The following ELAPOR2 variants were observed in gnomAD, a reference collection of about 807,000 sequenced individuals.
ELAPOR2 encodes the protein endosome/lysosome-associated apoptosis and autophagy regulator family member 2.
In ELAPOR2, 89 loss-of-function variants were observed where a neutral mutation model predicts 120.7. The observed-to-expected ratio is 0.74, with a 90% CI of 0.62 to 0.88. The LOEUF is 0.88. ELAPOR2 is among the 40% of genes least tolerant of loss of function. The pLI, the probability that ELAPOR2 is intolerant of heterozygous loss-of-function variation, is 0.00. For synonymous variants in ELAPOR2, 444 were observed against 444.9 expected (o/e 1.00, Z 0.03); for missense variants, 1,134 against 1,251.6 (o/e 0.91, Z 1.42).
At chr7:86,954,463 CAA>C (rs1486078250) in intron 2 of ELAPOR2, among the ~76,000 whole-genome samples, 1 of 151,988 alleles carries the variant, frequency 6.6e-6, no homozygotes, top group Admixed American at 6.6e-5. Context: ...TCTTTTTAAT[CAA>C]AGTTTTTATT....
At chr7:86,905,174 AAG>A (rs1256772909) in intron 18 of ELAPOR2, among the ~76,000 whole-genome samples, 6 of 147,208 alleles carry the variant, frequency 4.1e-5, no homozygotes, top group East Asian at 2.0e-4. Flanking sequence ...GAAAGAAAGA[AAG>A]AGAGAAAGAG....
At chr7:86,927,008 G>T in intron 8 of ELAPOR2, 92 bp from the exon 9 acceptor site, 1 of 1,224,444 alleles carries the variant, frequency 8.2e-7, no homozygotes, top group East Asian at 2.7e-5. Flanking sequence ...AAGTACAAAT[G>T]GTGACAGAAT....
chr7:86,909,994 T>A lies in ELAPOR2; in HGVS notation c.2177A>T (p.Lys726Met). The change falls in exon 16 of 22, where the codon AAG becomes ATG. Residue 726 changes from lysine to methionine, a missense_variant. By Grantham distance (95) the Lys-to-Met change is moderately conservative. Coordinates refer to ENST00000450689, the MANE Select transcript of ELAPOR2 (RefSeq NM_001142749.3). ...TATATTGTTGGTACAGAGAGCCATC[T>A]TCTTCCCCTAGGAAAATAAAGTCAT... is the stretch of plus-strand genomic sequence containing the variant. ...NISLCGHEGK[K>M]MALCTNNITD... The A allele has an allele frequency of 6.2e-7, 1 of 1,603,490 alleles. No individual in the cohort carries two copies. Among genetic ancestry groups the A allele is most frequent in the Non-Finnish European group, 8.5e-7 (1 of 1,176,130 alleles).
intron 5 of ELAPOR2, 60 bp from the exon 6 acceptor site, chr7:86,940,175 C>T: frequency 1.0e-6 from 1 of 995,718 alleles, no homozygotes; most frequent in South Asian, 1.4e-5. Flanking sequence ...CCAAAAGCTA[C>T]TCCCTTACAT....
intron 8 of ELAPOR2, among the ~76,000 whole-genome samples, chr7:86,927,162 C>T (rs1790112279): frequency 6.6e-6 from 1 of 151,882 alleles, no homozygotes; most frequent in Non-Finnish European, 1.5e-5. Context: ...TGTTCCTCAT[C>T]ATGAAATAAC....
At chr7:87,014,304 C>G (rs1793794444) in intron 1 of ELAPOR2, among the ~76,000 whole-genome samples, 1 of 151,952 alleles carries the variant, frequency 6.6e-6, no homozygotes, top group Non-Finnish European at 1.5e-5. Context: ...GTATTTTTTT[C>G]TAGGACCAAT....
At chr7:86,880,790 G>A (rs1170473356) in intron 21 of ELAPOR2, among the ~76,000 whole-genome samples, 1 of 151,372 alleles carries the variant, frequency 6.6e-6, no homozygotes, top group African/African-American at 2.4e-5. Context: ...GATACCAAAA[G>A]ACATAGCTGT....
Position 86,880,424 on chromosome 7 carries a change from G to A in ELAPOR2, c.*47C>T. ...CCTAAAATATGGTCCTGTAAAACTA[G>A]AGCAGGTTTCTTTGTTCATTAGTCT... On this transcript the variant is annotated 3_prime_UTR_variant, in exon 22 of 22. Coordinates refer to ENST00000450689, the MANE Select transcript of ELAPOR2 (RefSeq NM_001142749.3). 2.2e-6 allele frequency: 3 copies of A among 1,349,794 alleles called. No homozygotes were observed. Among genetic ancestry groups the A allele is most frequent in the South Asian group, 1.2e-5 (1 of 85,030 alleles). The allele number at this position is 1,349,794 out of a possible 1,614,324, so 83.6% of individuals were successfully genotyped here.
intron 21 of ELAPOR2, among the ~76,000 whole-genome samples, chr7:86,890,175 T>C (rs1788079126): frequency 6.6e-6 from 1 of 151,994 alleles, no homozygotes; most frequent in Non-Finnish European, 1.5e-5. Context: ...CAATTCTCCA[T>C]GGTTCTCTTT....
intron 1 of ELAPOR2, among the ~76,000 whole-genome samples, chr7:86,988,679 TC>T (rs1792840485): frequency 6.6e-6 from 1 of 152,200 alleles, no homozygotes; most frequent in South Asian, 2.1e-4. Flanking sequence ...AAGACAGTTT[TC>T]AAAAAGTATG....
At chr7:86,918,322 G>GAAAAAAAAAAAAA (rs1789660258) in intron 12 of ELAPOR2, 120 bp downstream of exon 12, 1 of 424,292 alleles carries the variant, frequency 2.4e-6, no homozygotes. Flanking sequence ...GCTAAGAATA[G>GAAAAAAAAAAAAA]CAAAAAAAAA....
rs553871568 is a variant in ELAPOR2, at chr7:87,017,175, C to T, written c.189+42150G>A. On this transcript the variant is annotated intron_variant, in intron 1 of 21. Transcript: ENST00000450689. The stretch of plus-strand genomic sequence containing the variant: ...ACATTCCTGGCAATCTCATTTCTCT[C>T]TCCAAAAACTTGTAAGATTCAAAAA... Among the ~76,000 whole-genome samples the T allele has an allele frequency of 2.0e-5, 3 of 152,310 alleles. No homozygotes were observed. In the South Asian group the frequency reaches 6.2e-4, roughly 32 times the overall value.
intron 1 of ELAPOR2, among the ~76,000 whole-genome samples, chr7:87,025,899 G>A (rs977945186): frequency 2.0e-5 from 3 of 151,980 alleles, no homozygotes; most frequent in African/African-American, 4.8e-5. Flanking sequence ...ATCAAATAGT[G>A]TAGAAATAAA....
Position 86,908,534 on chromosome 7 carries a change from A to C in ELAPOR2, c.2369T>G (p.Val790Gly), listed in dbSNP as rs80054630. The change falls in exon 17 of 22, where the codon GTT becomes GGT. Residue 790 changes from valine (V) to glycine (G), a missense_variant. Physicochemically the swap from Val to Gly is moderately radical, Grantham distance 109. Coordinates refer to ENST00000450689, the MANE Select transcript of ELAPOR2 (RefSeq NM_001142749.3). ...ATTAATATTTTTCAATGTGGTTTCAACTGTGACTCCTAGATGACATTTAAA... is the reference window on the plus strand; with the variant it reads ...ATTAATATTTTTCAATGTGGTTTCACCTGTGACTCCTAGATGACATTTAAA... ...ILADTFIGVT[V>G]ETTLKNINIK... is the part of the protein sequence containing the mutation. The C allele has an allele frequency of 1.1e-5, 17 of 1,514,550 alleles. No homozygotes were observed. The highest frequency in any genetic ancestry group is 1.4e-5 in the Non-Finnish European group (16 of 1,107,876). 93.8% of individuals were successfully genotyped at this position (1,514,550 alleles called of 1,614,324 possible).
At chr7:86,941,468 G>A in intron 5 of ELAPOR2, 1 of 488,674 alleles carries the variant, frequency 2.0e-6, no homozygotes, top group Non-Finnish European at 4.3e-6. Context: ...TAGGTAGGAG[G>A]CAGGTTGAGG....
intron 1 of ELAPOR2, among the ~76,000 whole-genome samples, chr7:87,051,561 A>G (rs1795102608): frequency 6.6e-6 from 1 of 152,214 alleles, no homozygotes; most frequent in Non-Finnish European, 1.5e-5. Context: ...ATTCTAACAT[A>G]GATAAGACAG....
At chr7:86,950,803 A>G (rs1158256774) in intron 2 of ELAPOR2, among the ~76,000 whole-genome samples, 1 of 152,218 alleles carries the variant, frequency 6.6e-6, no homozygotes, top group Non-Finnish European at 1.5e-5. Context: ...AAACTCAGGC[A>G]AAGGTGCCAC....
intron 19 of ELAPOR2, among the ~76,000 whole-genome samples, chr7:86,895,801 C>A (rs1178712188): frequency 6.6e-6 from 1 of 152,056 alleles, no homozygotes; most frequent in Non-Finnish European, 1.5e-5. Flanking sequence ...TTGAATTAAA[C>A]TTGGTAGCCA....
intron 8 of ELAPOR2, among the ~76,000 whole-genome samples, chr7:86,933,445 T>G (rs1376188972): frequency 6.6e-6 from 1 of 151,968 alleles, no homozygotes; most frequent in African/African-American, 2.4e-5. Context: ...CCAGACCAGC[T>G]GAGACTGGTT....
Sources: gnomAD v4.1 joint callset for allele counts (sites outside exome capture counted in the v4.1 genomes callset) on GRCh38, gnomAD v4.1.1 for gene constraint, MANE v1.5 for transcripts, NCBI Gene and HGNC (gene_info 2026-07-23, HGNC 2026-07-21) for gene names.